Variants in KDM2A observed in about 807,000 individuals in gnomAD.
KDM2A encodes the protein lysine demethylase 2A.
KDM2A carries 3 observed loss-of-function variants against 137.3 expected under a neutral mutation model. That is an observed-to-expected ratio of 0.02 (90% CI 0.01 to 0.06). The LOEUF is 0.06. Among genes scored for constraint, KDM2A ranks in the 10% least tolerant of loss-of-function variants. The probability of loss-of-function intolerance (pLI) is 1.00; values close to 1 mark genes in which losing one functional copy is unlikely to be tolerated. For missense variants in KDM2A, 738 were observed against 1,510.6 expected (o/e 0.49, Z 8.48); for synonymous variants, 512 against 541.5 (o/e 0.95, Z 0.76).
At chr11:67,187,208 A>G (rs1857227102) in intron 5 of KDM2A, among the ~76,000 whole-genome samples, 1 of 152,214 alleles carries the variant, frequency 6.6e-6, no homozygotes, top group Admixed American at 6.5e-5. Context: ...AAATGTATCT[A>G]AGTACAAAAG....
intron 10 of KDM2A, among the ~76,000 whole-genome samples, chr11:67,222,122 G>A: frequency 8.8e-6 from 1 of 114,218 alleles, no homozygotes; most frequent in Admixed American, 9.3e-5. Flanking sequence ...TTCTCACAGA[G>A]GGGGATTTGG....
chr11:67,216,695 C>T (rs548131323), intron 8 of KDM2A, among the ~76,000 whole-genome samples: 39 of 149,564 alleles, frequency 2.6e-4, no homozygotes, highest in South Asian at 8.5e-4. Context: ...CCAAGGCGGG[C>T]GGATCAGCTG....
At chr11:67,215,474 C>A in intron 7 of KDM2A, 28 bp downstream of exon 7, 1 of 1,470,584 alleles carries the variant, frequency 6.8e-7, no homozygotes, top group South Asian at 1.1e-5. Context: ...CATCTTCCTC[C>A]GTGTGCTGTG....
At chr11:67,237,349 G>C (rs544673003) in intron 12 of KDM2A, among the ~76,000 whole-genome samples, 5 of 152,056 alleles carry the variant, frequency 3.3e-5, no homozygotes, top group African/African-American at 1.2e-4. Flanking sequence ...ATAATTTGGG[G>C]GTTATTCTGA....
Position 67,152,397 on chromosome 11 carries a change from G to A in KDM2A, c.43-27682G>A, listed in dbSNP as rs750351832. On this transcript the variant is annotated intron_variant, in intron 2 of 20. Transcript: ENST00000529006. Reference sequence around the variant, plus strand: ...TTTGCGAGGCTGAGGTTGGAGGGTCGTTTGAGACCAGCCTGGACAACAGAG... The same window carrying A: ...TTTGCGAGGCTGAGGTTGGAGGGTCATTTGAGACCAGCCTGGACAACAGAG... Among the ~76,000 whole-genome samples, 5 of 151,950 alleles carry A rather than the reference G, an allele frequency of 3.3e-5. No individual in the cohort carries two copies. In the South Asian group the frequency reaches 6.3e-4, roughly 19 times the overall value.
intron 2 of KDM2A, among the ~76,000 whole-genome samples, chr11:67,146,856 C>T (rs566121131): frequency 1.3e-5 from 2 of 152,118 alleles, no homozygotes; most frequent in Admixed American, 1.3e-4. Context: ...CCCTCACTTT[C>T]GTGGATTTTA....
chr11:67,237,954 T>C (rs1858918748), intron 12 of KDM2A, among the ~76,000 whole-genome samples: 1 of 152,012 alleles, frequency 6.6e-6, no homozygotes, highest in African/African-American at 2.4e-5. Context: ...TTATAGGATA[T>C]ATTTATTTAT....
chr11:67,170,409 T>C lies in KDM2A; in HGVS notation c.43-9670T>C, dbSNP rs1281722709. Among the ~76,000 whole-genome samples the C allele has an allele frequency of 3.4e-3, 335 of 97,414 alleles. 2 individuals carry two copies. The highest frequency in any genetic ancestry group is 5.5e-3 in the Non-Finnish European group (290 of 52,852). 63.9% of individuals were successfully genotyped at this position (97,414 alleles called of 152,430 possible). ...GGGGTTTTTTTTTTTTCTTTCTTTC[T>C]TTTTTTTTTTTTTTTTTTTTTGAGA... On this transcript the variant is annotated intron_variant, in intron 2 of 20. Transcript: ENST00000529006.
chr11:67,133,831 T>G (rs1565371831), intron 2 of KDM2A, among the ~76,000 whole-genome samples: 5 of 151,866 alleles, frequency 3.3e-5, no homozygotes, highest in Admixed American at 1.3e-4. Context: ...CCAGCTGGGT[T>G]TACAGCCCTG....
At chr11:67,224,754 T>G (rs1370061408) in intron 10 of KDM2A, among the ~76,000 whole-genome samples, 1 of 151,034 alleles carries the variant, frequency 6.6e-6, no homozygotes, top group Non-Finnish European at 1.5e-5. Context: ...GCTTGAGCTA[T>G]CTTGTCCGGC....
chr11:67,142,420 G>A (rs958324245), intron 2 of KDM2A, among the ~76,000 whole-genome samples: 1 of 150,918 alleles, frequency 6.6e-6, no homozygotes, highest in Non-Finnish European at 1.5e-5. Flanking sequence ...GGAGGCCAAG[G>A]CAGGCGGATC....
chr11:67,181,447 C>A, intron 4 of KDM2A, 49 bp downstream of exon 4: 1 of 1,236,170 alleles, frequency 8.1e-7, no homozygotes, highest in Non-Finnish European at 1.2e-6. Context: ...GGCCTCGTTA[C>A]ACCCAGGGCA....
chr11:67,242,171 G>A (rs1259244289), intron 12 of KDM2A, among the ~76,000 whole-genome samples: 5 of 152,166 alleles, frequency 3.3e-5, no homozygotes, highest in Admixed American at 3.3e-4. Context: ...TTGTTCGTAA[G>A]TCATTTAAAT....
At chr11:67,170,999 G>T (rs1287935522) in intron 2 of KDM2A, among the ~76,000 whole-genome samples, 1 of 152,044 alleles carries the variant, frequency 6.6e-6, no homozygotes, top group Non-Finnish European at 1.5e-5. Flanking sequence ...CATTTTCCTT[G>T]CTTTGGTAAA....
intron 1 of KDM2A, among the ~76,000 whole-genome samples, 190 bp downstream of exon 1, chr11:67,120,239 A>AC (rs1855567779): frequency 6.6e-6 from 1 of 152,128 alleles, no homozygotes; most frequent in Non-Finnish European, 1.5e-5. Context: ...GTCGTCGCCC[A>AC]GGGGGTGCAA....
chr11:67,196,508 A>AGGG (rs1390391700), intron 5 of KDM2A: 1 of 455,656 alleles, frequency 2.2e-6, no homozygotes, highest in Non-Finnish European at 4.4e-6. Context: ...CTTTAGCATA[A>AGGG]TGTGCTATTT....
intron 2 of KDM2A, among the ~76,000 whole-genome samples, chr11:67,125,800 CG>C (rs1432007377): frequency 6.6e-6 from 1 of 150,790 alleles, no homozygotes; most frequent in African/African-American, 2.4e-5. Context: ...AAAAATTAGC[CG>C]GGCGTGGTGT....
intron 2 of KDM2A, among the ~76,000 whole-genome samples, chr11:67,175,220 G>A (rs1406213407): frequency 6.6e-6 from 1 of 152,090 alleles, no homozygotes; most frequent in African/African-American, 2.4e-5. Context: ...CTTTGACTAG[G>A]GTTTACATTA....
chr11:67,213,616 A>C (rs914949707), intron 6 of KDM2A, among the ~76,000 whole-genome samples: 2 of 151,958 alleles, frequency 1.3e-5, no homozygotes. Context: ...AAAATTAGTT[A>C]GGTGCGGTGG....
Sources: allele counts gnomAD v4.1 joint callset (sites outside exome capture counted in the v4.1 genomes callset), GRCh38; gene constraint gnomAD v4.1.1; transcripts MANE v1.5; gene names NCBI Gene and HGNC (gene_info 2026-07-23, HGNC 2026-07-21).